Variants in NOL4 observed in about 807,000 individuals in gnomAD.
NOL4 encodes the protein cancer/testis antigen 125.
NOL4 carries 17 observed loss-of-function variants against 75.9 expected under a neutral mutation model. That is an observed-to-expected ratio of 0.22 (90% confidence interval 0.15 to 0.34). The LOEUF is 0.34. Among genes scored for constraint, NOL4 ranks in the 10% least tolerant of loss-of-function variants. The probability of loss-of-function intolerance (pLI) is 1.00; values close to 1 mark genes in which losing one functional copy is unlikely to be tolerated. For missense variants in NOL4, 614 were observed against 793.5 expected (o/e 0.77, Z 2.72); for synonymous variants, 292 against 289.9 (o/e 1.01, Z -0.07).
At chr18:34,140,217 C>T (rs900997720) in intron 1 of NOL4, among the ~76,000 whole-genome samples, 3 of 152,214 alleles carry the variant, frequency 2.0e-5, no homozygotes, top group South Asian at 2.1e-4. Context: ...GAGCTGAGTT[C>T]GATTCCTGGA....
chr18:34,118,427 T>G (rs2079966540), intron 2 of NOL4, among the ~76,000 whole-genome samples: 1 of 152,178 alleles, frequency 6.6e-6, no homozygotes, highest in African/African-American at 2.4e-5. Context: ...TATAGAAAAT[T>G]TATTTGTAAA....
At chr18:34,059,156 T>TATATATAC (rs1451618343) in intron 5 of NOL4, among the ~76,000 whole-genome samples, 7 of 132,872 alleles carry the variant, frequency 5.3e-5, no homozygotes, top group South Asian at 4.8e-4. Context: ...TATATATATA[T>TATATATAC]ACACATGCTT....
At chr18:33,887,011 A>G (rs1259781729) in intron 9 of NOL4, among the ~76,000 whole-genome samples, 4 of 138,436 alleles carry the variant, frequency 2.9e-5, no homozygotes, top group Non-Finnish European at 4.6e-5. Context: ...ATCTATATAC[A>G]TATATATCTA....
rs749609846 is a variant in NOL4 at position 34,066,687 on chromosome 18, T to TA, written c.772+26777dup. On this transcript the variant is annotated intron_variant, in intron 5 of 10. Transcript: ENST00000261592. ...TTTCTTATTTCCAAAGCTTTTCTTC[T>TA]AAAAAAAAAAAAAACAACACTGAAG... 3.5e-3 allele frequency among the ~76,000 whole-genome samples: 490 copies of TA among 139,408 alleles called. 1 individual carries two copies. The highest frequency in any genetic ancestry group is 0.014 in the Middle Eastern group (4 of 278). The allele number at this position is 139,408 out of a possible 152,430, so 91.5% of individuals were successfully genotyped here.
chr18:33,942,565 C>T (rs1048196024), intron 9 of NOL4, among the ~76,000 whole-genome samples: 1 of 151,918 alleles, frequency 6.6e-6, no homozygotes, highest in Non-Finnish European at 1.5e-5. Context: ...AAGTCTAAGA[C>T]ATGAATTTTC....
chr18:33,919,628 G>A (rs1253687693), intron 9 of NOL4, among the ~76,000 whole-genome samples: 1 of 152,124 alleles, frequency 6.6e-6, no homozygotes, highest in East Asian at 1.9e-4. Context: ...GGCTTGTTTA[G>A]CCCTTTACAG....
chr18:34,024,194 A>ATATATATATATATAT (rs1555696186), intron 5 of NOL4, among the ~76,000 whole-genome samples: 3 of 70,692 alleles, frequency 4.2e-5, no homozygotes, highest in African/African-American at 1.1e-4. Context: ...AAAAAAAAAA[A>ATATATATATATATAT]ATATATATAT....
intron 1 of NOL4, among the ~76,000 whole-genome samples, chr18:34,194,003 A>G (rs1600844675): frequency 6.6e-6 from 1 of 152,304 alleles, no homozygotes; most frequent in Non-Finnish European, 1.5e-5. Flanking sequence ...GATCTCATTT[A>G]TATGTGAACT....
chr18:33,917,658 T>C (rs1388629824), intron 9 of NOL4, among the ~76,000 whole-genome samples: 1 of 151,724 alleles, frequency 6.6e-6, no homozygotes, highest in Non-Finnish European at 1.5e-5. Context: ...CTACACCTAG[T>C]TAATTTTTTT....
At chr18:34,222,871 G>T in intron 1 of NOL4, 119 bp downstream of exon 1, 2 of 1,352,888 alleles carry the variant, frequency 1.5e-6, no homozygotes, top group Non-Finnish European at 2.0e-6. Context: ...GTTGAGGAAG[G>T]TAGGGGGCAC....
intron 9 of NOL4, among the ~76,000 whole-genome samples, chr18:33,925,126 T>C (rs1220363003): frequency 2.3e-5 from 2 of 85,330 alleles, no homozygotes; most frequent in East Asian, 7.4e-4. Context: ...TTAATACAAA[T>C]TTAAAATATA....
chr18:34,168,484 A>G (rs2032671920), intron 1 of NOL4, among the ~76,000 whole-genome samples: 1 of 151,608 alleles, frequency 6.6e-6, no homozygotes, highest in South Asian at 2.1e-4. Flanking sequence ...ACAGATAGGA[A>G]AAGAAAGTAG....
chr18:33,974,659 C>T (rs754568824), intron 6 of NOL4, among the ~76,000 whole-genome samples: 3 of 151,956 alleles, frequency 2.0e-5, no homozygotes, highest in Admixed American at 6.6e-5. Context: ...TTGCAAGAAT[C>T]GCCAAAATGC....
rs1218219503 is a variant in NOL4 at position 34,071,187 on chromosome 18, A to G, written c.772+22278T>C. 3.9e-5 allele frequency among the ~76,000 whole-genome samples: 6 copies of G among 152,154 alleles called. No homozygotes were observed. In the East Asian group the frequency reaches 1.2e-3, roughly 29 times the overall value. On this transcript the variant is annotated intron_variant, in intron 5 of 10. Transcript: ENST00000261592. Reference sequence around the variant, plus strand: ...TGATCATTACACAATGTATACATGTATCAAAATTTATATTGTACCCACTAA... The same window carrying G: ...TGATCATTACACAATGTATACATGTGTCAAAATTTATATTGTACCCACTAA...
At chr18:34,195,866 A>G (rs2035289916) in intron 1 of NOL4, among the ~76,000 whole-genome samples, 1 of 152,176 alleles carries the variant, frequency 6.6e-6, no homozygotes, top group South Asian at 2.1e-4. Flanking sequence ...ATTAATGTAT[A>G]GATGGAACAA....
intron 5 of NOL4, among the ~76,000 whole-genome samples, chr18:34,033,456 A>G (rs2075739679): frequency 6.6e-6 from 1 of 152,044 alleles, no homozygotes; most frequent in African/African-American, 2.4e-5. Flanking sequence ...GAAGAAAAAA[A>G]TCTCAGAACT....
chr18:33,926,448 C>T (rs2067336860), intron 9 of NOL4, among the ~76,000 whole-genome samples: 1 of 148,846 alleles, frequency 6.7e-6, no homozygotes, highest in Non-Finnish European at 1.5e-5. Flanking sequence ...TCAAGGCTAC[C>T]TTTTTCCTCT....
chr18:34,000,320 T>C (rs1033989516), intron 6 of NOL4, among the ~76,000 whole-genome samples: 3 of 151,764 alleles, frequency 2.0e-5, no homozygotes, highest in Non-Finnish European at 2.9e-5. Flanking sequence ...TTTGCAAGTA[T>C]TGTAGATTGT....
chr18:34,047,562 G>A (rs934140747), intron 5 of NOL4, among the ~76,000 whole-genome samples: 3 of 151,988 alleles, frequency 2.0e-5, no homozygotes, highest in African/African-American at 7.2e-5. Context: ...AATCTACATA[G>A]TTTTGAAAAA....
Sources: gnomAD v4.1 joint callset for allele counts (sites outside exome capture counted in the v4.1 genomes callset) on GRCh38, gnomAD v4.1.1 for gene constraint, MANE v1.5 for transcripts, NCBI Gene and HGNC (gene_info 2026-07-23, HGNC 2026-07-21) for gene names.